The following CNTN5 variants were observed in gnomAD, a reference collection of about 807,000 sequenced individuals.
CNTN5 encodes contactin 5.
CNTN5 carries 77 observed loss-of-function variants against 129.1 expected under a neutral mutation model. The ratio of observed to expected loss-of-function variants is 0.60; its 90% CI spans 0.50 to 0.72. The LOEUF is 0.72. Ranked by LOEUF, CNTN5 falls within the 30% of genes least tolerant of loss-of-function variation. The pLI, the probability that CNTN5 is intolerant of heterozygous loss-of-function variation, is 0.00. For synonymous variants in CNTN5, 509 were observed against 465.6 expected, an observed-to-expected ratio of 1.09 and a Z score of -1.20; for missense variants, 1,478 against 1,328.8, an observed-to-expected ratio of 1.11 and a Z score of -1.75.
intron 9 of CNTN5, among the ~76,000 whole-genome samples, chr11:100,024,681 T>C (rs1036449332): frequency 6.6e-6 from 1 of 152,190 alleles, no homozygotes; most frequent in African/African-American, 2.4e-5. Context: ...AAGGTGATGC[T>C]TGCAAATGCT....
intron 13 of CNTN5, among the ~76,000 whole-genome samples, chr11:100,140,689 T>C (rs1481457935): frequency 6.6e-6 from 1 of 152,050 alleles, no homozygotes; most frequent in Non-Finnish European, 1.5e-5. Flanking sequence ...GCCAGAGAAG[T>C]AGAATAATTA....
intron 18 of CNTN5, among the ~76,000 whole-genome samples, chr11:100,284,602 T>C (rs1005526466): frequency 3.9e-5 from 6 of 152,310 alleles, no homozygotes; most frequent in African/African-American, 1.4e-4. Context: ...AAATACAGCA[T>C]TGTCAATTTT....
intron 3 of CNTN5, among the ~76,000 whole-genome samples, chr11:99,580,731 A>C (rs528485326): frequency 0.065 from 9,507 of 146,300 alleles, 373 homozygotes; most frequent in Non-Finnish European, 0.076. Flanking sequence ...TTTCTTCTTT[A>C]TTAGTCTTGC....
At chr11:100,100,256 T>TCCAGAATATCCAGAAAA (rs1945173869) in intron 13 of CNTN5, among the ~76,000 whole-genome samples, 4 of 152,128 alleles carry the variant, frequency 2.6e-5, no homozygotes, top group Non-Finnish European at 4.4e-5. Flanking sequence ...ATGTCATTTT[T>TCCAGAATATCCAGAAAA]ATACCCATTC....
intron 8 of CNTN5, among the ~76,000 whole-genome samples, chr11:99,990,447 T>TACACACACACACACAC (rs774953191): frequency 3.2e-3 from 248 of 77,014 alleles, no homozygotes; most frequent in African/African-American, 0.011. Context: ...TTTTAGAATA[T>TACACACACACACACAC]ATATATATAC....
chr11:99,510,638 G>A (rs1367297914), intron 2 of CNTN5, among the ~76,000 whole-genome samples: 2 of 152,122 alleles, frequency 1.3e-5, no homozygotes, highest in Non-Finnish European at 2.9e-5. Flanking sequence ...TAGTGGAGCT[G>A]AAAAATTCCT....
Position 100,112,790 on chromosome 11 carries a change from A to C in CNTN5, c.1580+38496A>C, listed in dbSNP as rs542329814. 2.0e-5 allele frequency among the ~76,000 whole-genome samples: 3 copies of C among 152,272 alleles called. No individual in the cohort carries two copies. The South Asian group carries it at 6.2e-4, about 32-fold the overall frequency. ...AGTTTCAGACTAAAGGTCATGACATAATTTAAAGCTGAGGGCAAAATGATA... is the reference window on the plus strand; with the variant it reads ...AGTTTCAGACTAAAGGTCATGACATCATTTAAAGCTGAGGGCAAAATGATA... On this transcript the variant is annotated intron_variant, in intron 13 of 24. Transcript: ENST00000524871.
At chr11:99,218,926 C>G (rs1191006326) in intron 1 of CNTN5, among the ~76,000 whole-genome samples, 1 of 152,040 alleles carries the variant, frequency 6.6e-6, no homozygotes, top group Non-Finnish European at 1.5e-5. Flanking sequence ...CATTTAGAAT[C>G]TCTTAGTAGA....
chr11:99,270,088 T>C (rs1863104121), intron 1 of CNTN5, among the ~76,000 whole-genome samples: 1 of 151,860 alleles, frequency 6.6e-6, no homozygotes, highest in Admixed American at 6.6e-5. Context: ...TATCCTGTGC[T>C]CATTTTAACC....
chr11:99,637,062 G>T (rs116890462), intron 3 of CNTN5, among the ~76,000 whole-genome samples: 1 of 126,816 alleles, frequency 7.9e-6, no homozygotes, highest in South Asian at 2.8e-4. Flanking sequence ...CTGTATTGCA[G>T]AATAGGCACT....
At chr11:99,078,545 T>A (rs191117152) in intron 1 of CNTN5, among the ~76,000 whole-genome samples, 2 of 152,272 alleles carry the variant, frequency 1.3e-5, no homozygotes, top group East Asian at 3.9e-4. Context: ...CATCAACAGA[T>A]GAATAAATAA....
At chr11:99,595,192 G>A (rs1950088671) in intron 3 of CNTN5, among the ~76,000 whole-genome samples, 1 of 152,078 alleles carries the variant, frequency 6.6e-6, no homozygotes, top group African/African-American at 2.4e-5. Context: ...TATATTTCAA[G>A]ACAGCTAGAA....
At chr11:99,631,150 A>G (rs918092574) in intron 3 of CNTN5, among the ~76,000 whole-genome samples, 1 of 152,152 alleles carries the variant, frequency 6.6e-6, no homozygotes, top group African/African-American at 2.4e-5. Flanking sequence ...ATTGAAATAC[A>G]GTGTTAGTTT....
chr11:99,779,633 C>G (rs1439901044), intron 3 of CNTN5, among the ~76,000 whole-genome samples: 2 of 151,950 alleles, frequency 1.3e-5, no homozygotes, highest in Non-Finnish European at 2.9e-5. Flanking sequence ...CTAACAGTAA[C>G]ACTATGAGGA....
intron 4 of CNTN5, among the ~76,000 whole-genome samples, chr11:99,828,748 A>G (rs1947046973): frequency 6.6e-6 from 1 of 152,176 alleles, no homozygotes; most frequent in Non-Finnish European, 1.5e-5. Flanking sequence ...TACACTCAAG[A>G]GAATTTACAT....
At chr11:99,690,566 C>T (rs188578063) in intron 3 of CNTN5, among the ~76,000 whole-genome samples, 103 of 151,422 alleles carry the variant, frequency 6.8e-4, no homozygotes, top group Admixed American at 3.5e-3. Context: ...TTAGTCAGTT[C>T]GGCCATTTTA....
intron 1 of CNTN5, among the ~76,000 whole-genome samples, chr11:99,291,036 C>G (rs1383896244): frequency 6.6e-6 from 1 of 151,792 alleles, no homozygotes; most frequent in Non-Finnish European, 1.5e-5. Flanking sequence ...GTGCTGTGTC[C>G]AAATGTAAAA....
At chr11:99,788,741 C>T (rs1023664121) in intron 3 of CNTN5, among the ~76,000 whole-genome samples, 2 of 151,906 alleles carry the variant, frequency 1.3e-5, no homozygotes, top group Non-Finnish European at 2.9e-5. Flanking sequence ...TACTCCATCA[C>T]CTCTTGGCCA....
intron 2 of CNTN5, among the ~76,000 whole-genome samples, chr11:99,481,951 G>T (rs1341331991): frequency 6.6e-6 from 1 of 152,230 alleles, no homozygotes; most frequent in East Asian, 1.9e-4. Flanking sequence ...AACATAATCA[G>T]CACACAATAA....
Sources: gnomAD v4.1 joint callset for allele counts (sites outside exome capture counted in the v4.1 genomes callset) on GRCh38, gnomAD v4.1.1 for gene constraint, MANE v1.5 for transcripts, NCBI Gene and HGNC (gene_info 2026-07-23, HGNC 2026-07-21) for gene names.